SLC5A5: variants seen among roughly 807,000 people sequenced by gnomAD.
SLC5A5 encodes the protein sodium/iodide cotransporter.
In SLC5A5, 56 loss-of-function variants were observed where a neutral mutation model predicts 68.6. That is an observed-to-expected ratio of 0.82 (90% CI 0.66 to 1.02). SLC5A5 has a LOEUF of 1.02. Ranked by LOEUF, SLC5A5 falls within the 50% of genes least tolerant of loss-of-function variation. The pLI, the probability that SLC5A5 is intolerant of heterozygous loss-of-function variation, is 0.00. For missense variants in SLC5A5, 807 were observed against 859.8 expected (o/e 0.94, Z 0.77); for synonymous variants, 398 against 373.0 (o/e 1.07, Z -0.77).
chr19:17,890,896 G>C lies in SLC5A5; in HGVS notation c.1662G>C (p.Lys554Asn). The change falls in exon 14 of 15, where the codon AAG (lysine) becomes AAC (asparagine). Residue 554 changes from lysine to asparagine, a missense_variant. By Grantham distance (94) the Lys-to-Asn change is moderately conservative. Coordinates refer to ENST00000222248, the MANE Select transcript of SLC5A5 (RefSeq NM_000453.3). ...CTCCCCGCCTCTCAGGCCCCACCAA[G>C]CGCAGCACCCTGGCCCCGGGATTGT... is the stretch of plus-strand genomic sequence containing the variant. ...ALISCLTGPT[K>N]RSTLAPGLLW... 5 of 1,613,400 alleles carry C rather than the reference G, an allele frequency of 3.1e-6. No homozygotes were observed. The highest frequency in any genetic ancestry group is 4.2e-6 in the Non-Finnish European group (5 of 1,179,514).
In SLC5A5 at chr19:17,879,692, C is replaced by T. The variant is rs369258928; in HGVS notation, c.970-1173C>T. 2.4e-3 allele frequency among the ~76,000 whole-genome samples: 365 copies of T among 152,200 alleles called. 1 individual carries two copies. Among genetic ancestry groups the T allele is most frequent in the African/African-American group, 8.3e-3 (344 of 41,534 alleles). On this transcript the variant is annotated intron_variant, in intron 7 of 14. Coordinates refer to ENST00000222248, the MANE Select transcript of SLC5A5 (RefSeq NM_000453.3). ...TGCAGTCCTCCCTGGAGGTCAGATC[C>T]GGGACTGCTGGACTGTGTAACTTCA...
At chr19:17,879,623 C>A (rs2094315982) in intron 7 of SLC5A5, among the ~76,000 whole-genome samples, 1 of 152,164 alleles carries the variant, frequency 6.6e-6, no homozygotes, top group African/African-American at 2.4e-5. Context: ...GAGTTCTGAC[C>A]ATGGGGTTCA....
chr19:17,886,510 G>C (rs920555115), intron 12 of SLC5A5, among the ~76,000 whole-genome samples: 43 of 151,982 alleles, frequency 2.8e-4, no homozygotes, highest in Non-Finnish European at 1.0e-4. Context: ...GTTTCACCAT[G>C]TTGGTCAGGG....
chr19:17,883,827 C>T, intron 11 of SLC5A5, 23 bp from the exon 12 acceptor site: 2 of 1,605,194 alleles, frequency 1.2e-6, no homozygotes, highest in African/African-American at 1.3e-5. Flanking sequence ...CCTCCCCTTC[C>T]CTGACGCCGG....
At chr19:17,892,658 G>C (rs1292119288) in intron 14 of SLC5A5, among the ~76,000 whole-genome samples, 4 of 111,438 alleles carry the variant, frequency 3.6e-5, no homozygotes, top group Admixed American at 1.7e-4. Flanking sequence ...AAGACAGAGA[G>C]AGAGAGAGAG....
intron 7 of SLC5A5, among the ~76,000 whole-genome samples, chr19:17,878,625 G>T (rs921274227): frequency 2.0e-5 from 3 of 152,158 alleles, no homozygotes; most frequent in South Asian, 2.1e-4. Context: ...GCCACATTCA[G>T]ATCTAGAGTT....
intron 14 of SLC5A5, among the ~76,000 whole-genome samples, chr19:17,891,976 G>C (rs1036491375): frequency 6.6e-6 from 1 of 152,144 alleles, no homozygotes; most frequent in Non-Finnish European, 1.5e-5. Context: ...GTCTCAGTAT[G>C]TGATAAGCAT....
rs764660785 is a variant in SLC5A5, at chr19:17,893,748, C to T, written c.1803C>T (p.Pro601=). The change falls in exon 15 of 15, where the codon CCC becomes CCT. Residue 601 remains proline (P), a synonymous_variant. Transcript: ENST00000222248. ...PEELPTGNKK[P]PGFLPTNEDR... ...AACTCCCCACTGGAAACAAGAAGCC[C>T]CCTGGCTTCCTGCCCACCAATGAGG... The T allele has an allele frequency of 5.6e-6, 9 of 1,613,868 alleles. No homozygotes were observed. Among genetic ancestry groups the T allele is most frequent in the Non-Finnish European group, 7.6e-6 (9 of 1,179,976 alleles).
At chr19:17,893,593 G>A in intron 14 of SLC5A5, 120 bp from the exon 15 acceptor site, 1 of 961,790 alleles carries the variant, frequency 1.0e-6, no homozygotes, top group Non-Finnish European at 1.6e-6. Flanking sequence ...GGGATAGTAT[G>A]CAATTCTGTG....
Position 17,872,308 on chromosome 19 carries a change from G to A in SLC5A5, c.-12G>A, listed in dbSNP as rs1345247411. 3 of 1,326,174 alleles carry A rather than the reference G, an allele frequency of 2.3e-6. No homozygotes were observed. Among genetic ancestry groups the A allele is most frequent in the Admixed American group, 2.2e-5 (1 of 45,822 alleles). The allele number at this position is 1,326,174 out of a possible 1,614,324, so 82.2% of individuals were successfully genotyped here. The stretch of plus-strand genomic sequence containing the variant: ...GCGTCCGAGGACGCGCTGGGCCTCC[G>A]CACCCGCCCTCATGGAGGCCGTGGA... On this transcript the variant is annotated 5_prime_UTR_variant, in exon 1 of 15. Coordinates refer to ENST00000222248, the MANE Select transcript of SLC5A5 (RefSeq NM_000453.3).
rs763366347 is a variant in SLC5A5 at position 17,893,851 on chromosome 19, C to A, written c.1906C>A (p.Arg636=). 3.3e-5 allele frequency: 52 copies of A among 1,577,944 alleles called. No homozygotes were observed. The highest frequency in any genetic ancestry group is 4.1e-5 in the Non-Finnish European group (48 of 1,159,792). Reference sequence around the variant, plus strand: ...CCCCTGTGTTGGACATGATGGTGGTCGAGACCAGCAGGAGACAAACCTCTG... The same window carrying A: ...CCCCTGTGTTGGACATGATGGTGGTAGAGACCAGCAGGAGACAAACCTCTG... ...WTPCVGHDGG[R]DQQETNL Residue 636 remains arginine, a synonymous_variant, in exon 15 of 15, where the codon CGA becomes AGA. Transcript: ENST00000222248.
Position 17,888,414 on chromosome 19 carries a change from T to C in SLC5A5, c.1610T>C (p.Leu537Pro). Residue 537 changes from leucine to proline, a missense_variant, in exon 13 of 15, where the codon CTG (leucine) becomes CCG (proline). Transcript: ENST00000222248. ...SYLYYGALGTLTTVLCGALIS... is the reference protein window; with the variant it reads ...SYLYYGALGTPTTVLCGALIS... ...CTCTATTACGGTGCCCTGGGCACGC[T>C]GACCACTGTGCTGTGCGGAGCCCTC... The C allele has an allele frequency of 1.2e-6, 2 of 1,613,942 alleles. No individual in the cohort carries two copies. Among genetic ancestry groups the C allele is most frequent in the Non-Finnish European group, 1.7e-6 (2 of 1,179,994 alleles).
rs73518702 is a variant in SLC5A5 at position 17,872,296 on chromosome 19, C to A, written c.-24C>A. 5,638 of 1,541,136 alleles carry A rather than the reference C, an allele frequency of 3.7e-3. 169 individuals are homozygous for A. In the African/African-American group the frequency reaches 0.065, roughly 18 times the overall value. On this transcript the variant is annotated 5_prime_UTR_variant, in exon 1 of 15. Coordinates refer to ENST00000222248, the MANE Select transcript of SLC5A5 (RefSeq NM_000453.3). Reference sequence around the variant, plus strand: ...TGAGCACGCAGGGCGTCCGAGGACGCGCTGGGCCTCCGCACCCGCCCTCAT... The same window carrying A: ...TGAGCACGCAGGGCGTCCGAGGACGAGCTGGGCCTCCGCACCCGCCCTCAT...
rs1297242582 is a variant in SLC5A5, at chr19:17,894,129, G to A, written c.*252G>A. 4.3e-6 allele frequency: 2 copies of A among 463,292 alleles called. No individual in the cohort carries two copies. The highest frequency in any genetic ancestry group is 4.2e-5 in the African/African-American group (2 of 48,166). 28.7% of individuals were successfully genotyped at this position (463,292 alleles called of 1,614,324 possible). A position where few individuals can be genotyped will look rare whatever the true frequency, so the allele number is the denominator to read the frequency against. ...GACGGCTCCCCCCAAATAAGGCTGG[G>A]TTTTTCTCTCTCTCTTTTTTTTTTT... On this transcript the variant is annotated 3_prime_UTR_variant, in exon 15 of 15. Transcript: ENST00000222248.
chr19:17,877,986 G>T lies in SLC5A5; in HGVS notation c.862G>T (p.Gly288Cys), dbSNP rs142014480. The change falls in exon 7 of 15, where the codon GGC becomes TGC. Residue 288 changes from glycine to cysteine, a missense_variant. Transcript: ENST00000222248. ...CAGGGCCCTGCTCATCAACCAGGTC[G>T]GCCTGTTCCTGATCGTGTCCAGCGC... ...AKLALLINQV[G>C]LFLIVSSAAC... 6.2e-7 allele frequency: 1 copy of T among 1,613,326 alleles called. No homozygotes were observed.
At chr19:17,879,020 C>G (rs115036276) in intron 7 of SLC5A5, among the ~76,000 whole-genome samples, 1 of 143,688 alleles carries the variant, frequency 7.0e-6, no homozygotes, top group African/African-American at 2.8e-5. Context: ...AGGCTGGGCG[C>G]GGTGGCTTAC....
At chr19:17,893,001 T>C (rs979932444) in intron 14 of SLC5A5, among the ~76,000 whole-genome samples, 2 of 141,894 alleles carry the variant, frequency 1.4e-5, no homozygotes, top group African/African-American at 5.2e-5. Flanking sequence ...TCTCTTCTTT[T>C]CTTTTTTTTC....
Position 17,887,313 on chromosome 19 carries a change from C to T in SLC5A5, c.1527-1018C>T, listed in dbSNP as rs561333001. On this transcript the variant is annotated intron_variant, in intron 12 of 14. Transcript: ENST00000222248. ...GTTTTTAATTCTTTTTTTTGGTGGG[C>T]GGATGGAGTCTAACTCTGTCACCCA... is the stretch of plus-strand genomic sequence containing the variant. Among the ~76,000 whole-genome samples the T allele has an allele frequency of 3.9e-5, 6 of 151,932 alleles. No homozygotes were observed. The South Asian group carries it at 6.2e-4, about 16-fold the overall frequency.
rs2094295154 is a variant in SLC5A5 at position 17,871,959 on chromosome 19, C to T, written c.-361C>T. 9.8e-6 allele frequency: 3 copies of T among 304,640 alleles called. No homozygotes were observed. Among genetic ancestry groups the T allele is most frequent in the East Asian group, 1.9e-4 (2 of 10,784 alleles). 18.9% of individuals were successfully genotyped at this position (304,640 alleles called of 1,614,324 possible). Reference sequence around the variant, plus strand: ...AATCACGAGCTGCTCCCGTAAGCCCCAAGGCGACCTCCAGCTGTCAGCGCT... The same window carrying T: ...AATCACGAGCTGCTCCCGTAAGCCCTAAGGCGACCTCCAGCTGTCAGCGCT... On this transcript the variant is annotated 5_prime_UTR_variant, in exon 1 of 15. Coordinates refer to ENST00000222248, the MANE Select transcript of SLC5A5 (RefSeq NM_000453.3).
Sources: allele counts gnomAD v4.1 joint callset (sites outside exome capture counted in the v4.1 genomes callset), GRCh38; gene constraint gnomAD v4.1.1; transcripts MANE v1.5; gene names NCBI Gene and HGNC (gene_info 2026-07-23, HGNC 2026-07-21).